The following PARD3B variants were observed in gnomAD, a reference collection of about 807,000 sequenced individuals.
The protein encoded by PARD3B is par-3 family cell polarity regulator beta.
PARD3B carries 103 observed loss-of-function variants against 130.2 expected under a neutral mutation model. The observed-to-expected ratio is 0.79, with a 90% CI of 0.67 to 0.93. The LOEUF is 0.93. Ranked by LOEUF, PARD3B falls within the 40% of genes least tolerant of loss-of-function variation. The pLI, the probability that PARD3B is intolerant of heterozygous loss-of-function variation, is 0.00. For synonymous variants in PARD3B, 583 were observed against 553.2 expected, an observed-to-expected ratio of 1.05 and a Z score of -0.76; for missense variants, 1,609 against 1,499.2, an observed-to-expected ratio of 1.07 and a Z score of -1.21.
intron 2 of PARD3B, among the ~76,000 whole-genome samples, chr2:204,947,638 A>G (rs750772991): frequency 6.9e-6 from 1 of 145,934 alleles, no homozygotes; most frequent in Non-Finnish European, 1.5e-5. Context: ...ATGTCTCTAG[A>G]AATTCACTGA....
chr2:205,579,605 T>C (rs1397202627), intron 22 of PARD3B, among the ~76,000 whole-genome samples: 4 of 152,184 alleles, frequency 2.6e-5, no homozygotes, highest in Non-Finnish European at 5.9e-5. Flanking sequence ...AAATCACATT[T>C]TGTGGCTGAA....
chr2:205,489,500 T>TATATATACGTATATATACACATATATAG (rs1559141226), intron 20 of PARD3B, among the ~76,000 whole-genome samples: 2 of 139,404 alleles, frequency 1.4e-5, no homozygotes, highest in African/African-American at 5.3e-5. Flanking sequence ...TATGTGTGTA[T>TATATATACGTATATATACACATATATAG]ATATATATAC....
chr2:204,689,657 A>T lies in PARD3B; in HGVS notation c.222+3375A>T, dbSNP rs1320669902. Among the ~76,000 whole-genome samples, 1 of 152,092 alleles carries T rather than the reference A, an allele frequency of 6.6e-6. No homozygotes were observed. The highest frequency in any genetic ancestry group is 1.5e-5 in the Non-Finnish European group (1 of 68,000). ...CCCAGAATGTCTTTGGCCCTTATTT[A>T]TTCTACGTTATTTTAAAGCAATCCT... On this transcript the variant is annotated intron_variant, in intron 2 of 22. Coordinates refer to ENST00000406610, the MANE Select transcript of PARD3B (RefSeq NM_001302769.2). The surrounding 1 kb of genome is among the most constrained non-coding windows in gnomAD (Gnocchi z 5.2).
At chr2:204,690,055 C>G (rs2037282289) in intron 2 of PARD3B, among the ~76,000 whole-genome samples, 1 of 151,888 alleles carries the variant, frequency 6.6e-6, no homozygotes, top group African/African-American at 2.4e-5. Context: ...ATATTTCAAC[C>G]CTGTTTGCCT....
At chr2:205,257,377 A>C (rs920301976) in intron 16 of PARD3B, among the ~76,000 whole-genome samples, 4 of 152,206 alleles carry the variant, frequency 2.6e-5, no homozygotes, top group African/African-American at 9.6e-5. Context: ...AAAAGAAAAA[A>C]AAAAAGACAG....
At chr2:204,589,872 C>G (rs187322617) in intron 1 of PARD3B, among the ~76,000 whole-genome samples, 1 of 152,244 alleles carries the variant, frequency 6.6e-6, no homozygotes, top group Non-Finnish European at 1.5e-5. Flanking sequence ...TCCCTTGTTT[C>G]AATACTTAAG....
chr2:205,152,541 C>T (rs1047684041), intron 10 of PARD3B, among the ~76,000 whole-genome samples: 29 of 152,144 alleles, frequency 1.9e-4, no homozygotes, highest in African/African-American at 6.8e-4. Flanking sequence ...TCCACTTGAT[C>T]GAATCGGCTA....
chr2:205,600,481 C>T (rs2054742008), intron 22 of PARD3B, among the ~76,000 whole-genome samples: 1 of 152,136 alleles, frequency 6.6e-6, no homozygotes, highest in African/African-American at 2.4e-5. Flanking sequence ...TTGTTGTTAA[C>T]TCAGTTGGTT....
intron 2 of PARD3B, among the ~76,000 whole-genome samples, chr2:204,863,002 C>T (rs1040949316): frequency 1.3e-4 from 20 of 152,192 alleles, no homozygotes; most frequent in Non-Finnish European, 2.6e-4. Context: ...CCACCCCGTC[C>T]TCCCAGTGTG....
Position 205,274,784 on chromosome 2 carries a change from A to G in PARD3B, c.2186-25746A>G, listed in dbSNP as rs1277348389. Among the ~76,000 whole-genome samples, 1 of 152,162 alleles carries G rather than the reference A, an allele frequency of 6.6e-6. No homozygotes were observed. Among genetic ancestry groups the G allele is most frequent in the Non-Finnish European group, 1.5e-5 (1 of 68,030 alleles). ...TATATTATTTTATAAAGAATCCATA[A>G]CATTTTCTCTTCTTGGCTTTTCAGC... On this transcript the variant is annotated intron_variant, in intron 16 of 22. Transcript: ENST00000406610. The surrounding 1 kb of genome is among the most constrained non-coding windows in gnomAD (Gnocchi z 4.2).
At position 205,352,317 on chromosome 2, in the gene PARD3B, A is replaced by G. The variant is rs563398605; in HGVS notation, c.2631-48696A>G. 6.6e-6 allele frequency among the ~76,000 whole-genome samples: 1 copy of G among 152,254 alleles called. No individual in the cohort carries two copies. The highest frequency in any genetic ancestry group is 2.4e-5 in the African/African-American group (1 of 41,548). On this transcript the variant is annotated intron_variant, in intron 18 of 22. Coordinates refer to ENST00000406610, the MANE Select transcript of PARD3B (RefSeq NM_001302769.2). The surrounding 1 kb of genome is among the most constrained non-coding windows in gnomAD (Gnocchi z 5.2). The stretch of plus-strand genomic sequence containing the variant: ...GTTATGGATTATCTTTGCTGGCTGG[A>G]TATTTATTTCAGATTTTTGTGGTTT...
chr2:205,403,066 C>T (rs189142673), intron 19 of PARD3B, among the ~76,000 whole-genome samples: 217 of 151,878 alleles, frequency 1.4e-3, no homozygotes, highest in Non-Finnish European at 2.6e-3. Context: ...AAGAACTCAG[C>T]GAGTGTATCA....
At chr2:204,635,153 A>G (rs193245380) in intron 1 of PARD3B, among the ~76,000 whole-genome samples, 163 of 152,314 alleles carry the variant, frequency 1.1e-3, no homozygotes, top group African/African-American at 3.0e-3. Context: ...AGCCTCTTCA[A>G]GTTGACAGGA....
At chr2:205,560,061 G>A (rs373170387) in intron 22 of PARD3B, among the ~76,000 whole-genome samples, 115 of 152,290 alleles carry the variant, frequency 7.6e-4, no homozygotes, top group African/African-American at 2.6e-3. Context: ...GCAGAGAGAG[G>A]TTAAATAAAC....
chr2:204,988,146 C>CA (rs1693336818), intron 3 of PARD3B, among the ~76,000 whole-genome samples: 1 of 152,056 alleles, frequency 6.6e-6, no homozygotes, highest in Non-Finnish European at 1.5e-5. Context: ...AAGTTATGGT[C>CA]AAGCCAGAGA....
chr2:205,163,529 T>C (rs2034629153), intron 11 of PARD3B, among the ~76,000 whole-genome samples: 1 of 152,348 alleles, frequency 6.6e-6, no homozygotes, highest in South Asian at 2.1e-4. Flanking sequence ...ATCTGCACTG[T>C]TTAGTAATGG....
chr2:204,921,910 A>G (rs2047695461), intron 2 of PARD3B, among the ~76,000 whole-genome samples: 1 of 152,162 alleles, frequency 6.6e-6, no homozygotes, highest in Non-Finnish European at 1.5e-5. Context: ...ATTACAAACT[A>G]AAATCTGCAG....
At chr2:205,095,600 T>C (rs899312035) in intron 4 of PARD3B, among the ~76,000 whole-genome samples, 2 of 152,132 alleles carry the variant, frequency 1.3e-5, no homozygotes, top group African/African-American at 4.8e-5. Context: ...CTCGATGAGA[T>C]GGATGAATGT....
intron 1 of PARD3B, among the ~76,000 whole-genome samples, chr2:204,628,815 C>A (rs2125136664): frequency 6.6e-6 from 1 of 152,214 alleles, no homozygotes; most frequent in African/African-American, 2.4e-5. Context: ...GAATGAAGCA[C>A]AATGTCTTAA....
Sources: allele counts gnomAD v4.1 joint callset (sites outside exome capture counted in the v4.1 genomes callset), GRCh38; gene constraint gnomAD v4.1.1; non-coding constraint Gnocchi (gnomAD v3.1); transcripts MANE v1.5; gene names NCBI Gene and HGNC (gene_info 2026-07-23, HGNC 2026-07-21).